The following NHSL1 variants were observed in gnomAD, a reference collection of about 807,000 sequenced individuals.
NHSL1 encodes the protein NHS-like protein 1.
Under a neutral mutation model 95.0 loss-of-function variants are expected in NHSL1, and 48 were observed. That is an observed-to-expected ratio of 0.51 (90% CI 0.40 to 0.64). The LOEUF (loss-of-function observed/expected upper bound fraction) is 0.64, where lower values mean the gene tolerates loss of function less well. Among genes scored for constraint, NHSL1 ranks in the 30% least tolerant of loss-of-function variants. The probability of loss-of-function intolerance (pLI) is 0.00; values close to 1 mark genes in which losing one functional copy is unlikely to be tolerated. For missense variants in NHSL1, 1,971 were observed against 2,077.7 expected, an observed-to-expected ratio of 0.95 and a Z score of 1.00; for synonymous variants, 783 against 833.9, an observed-to-expected ratio of 0.94 and a Z score of 1.05.
At chr6:138,670,115 C>T (rs57759883) in intron 1 of NHSL1, among the ~76,000 whole-genome samples, 4,805 of 151,672 alleles carry the variant, frequency 0.032, 206 homozygotes, top group African/African-American at 0.094. Flanking sequence ...AGTGAGACTC[C>T]ATCTCAAAAA....
intron 3 of NHSL1, among the ~76,000 whole-genome samples, chr6:138,472,729 T>A (rs1287718463): frequency 6.6e-6 from 1 of 152,224 alleles, no homozygotes; most frequent in Non-Finnish European, 1.5e-5. Flanking sequence ...AAGTGGTTTG[T>A]GCATATCACC....
intron 2 of NHSL1, among the ~76,000 whole-genome samples, chr6:138,477,339 C>T (rs1006798583): frequency 6.6e-6 from 1 of 152,194 alleles, no homozygotes; most frequent in Admixed American, 6.5e-5. Context: ...GTGGGTCACA[C>T]CTGTAATCCC....
intron 1 of NHSL1, among the ~76,000 whole-genome samples, chr6:138,561,079 A>C (rs1257319465): frequency 6.6e-6 from 1 of 152,194 alleles, no homozygotes; most frequent in Non-Finnish European, 1.5e-5. Flanking sequence ...TTACTGTACC[A>C]CTAAAATTAT....
chr6:138,678,878 A>G (rs112616526), intron 1 of NHSL1, among the ~76,000 whole-genome samples: 2 of 152,204 alleles, frequency 1.3e-5, no homozygotes, highest in Non-Finnish European at 2.9e-5. Context: ...AAAACTTGCA[A>G]ATTTGCAAAA....
rs1775548805 is a variant in NHSL1 at position 138,430,328 on chromosome 6, C to G, written c.3952+65G>C. On this transcript the variant is annotated intron_variant, in intron 6 of 7. Coordinates refer to ENST00000343505, the MANE Select transcript of NHSL1 (RefSeq NM_001144060.2). This position sits in a 1 kb window ranked among gnomAD's most constrained non-coding sequence, Gnocchi z 4.7. ...TTTCCACGTGTGAGCATTCAACAAC[C>G]CTATCTGGTTCAGCTGCATATGGGC... 2.8e-6 allele frequency: 4 copies of G among 1,426,616 alleles called. No homozygotes were observed. The highest frequency in any genetic ancestry group is 3.0e-5 in the Admixed American group (1 of 33,840). 88.4% of individuals were successfully genotyped at this position (1,426,616 alleles called of 1,614,324 possible). A position where few individuals can be genotyped will look rare whatever the true frequency, so the allele number is the denominator to read the frequency against.
At chr6:138,443,645 G>A (rs948288256) in intron 4 of NHSL1, among the ~76,000 whole-genome samples, 2 of 152,116 alleles carry the variant, frequency 1.3e-5, no homozygotes, top group African/African-American at 2.4e-5. Context: ...TAAGCAACAT[G>A]GTGAAATCCT....
intron 1 of NHSL1, among the ~76,000 whole-genome samples, chr6:138,676,120 C>T (rs1785445418): frequency 6.6e-6 from 1 of 152,038 alleles, no homozygotes; most frequent in South Asian, 2.1e-4. Context: ...AGGAAAATGA[C>T]ATCAAAATAA....
chr6:138,428,633 G>T (rs1281927451), intron 7 of NHSL1, among the ~76,000 whole-genome samples: 1 of 152,222 alleles, frequency 6.6e-6, no homozygotes, highest in Non-Finnish European at 1.5e-5. Context: ...AGATGTTAAT[G>T]TGTTGCATGA....
chr6:138,621,150 T>C (rs1264812724), intron 1 of NHSL1, among the ~76,000 whole-genome samples: 1 of 152,222 alleles, frequency 6.6e-6, no homozygotes, highest in Non-Finnish European at 1.5e-5. Context: ...TTGAGAAACC[T>C]GAAGACGGAA....
At chr6:138,471,549 G>T (rs997506300) in intron 3 of NHSL1, among the ~76,000 whole-genome samples, 1 of 152,140 alleles carries the variant, frequency 6.6e-6, no homozygotes, top group African/African-American at 2.4e-5. Context: ...AATCCAATAT[G>T]TGAAAATACC....
intron 4 of NHSL1, among the ~76,000 whole-genome samples, chr6:138,443,204 A>G (rs887541931): frequency 2.6e-5 from 4 of 152,210 alleles, no homozygotes; most frequent in African/African-American, 7.2e-5. Context: ...GGTAAGAAAA[A>G]ATTGGGAACC....
At chr6:138,462,173 G>A (rs1778041143) in intron 3 of NHSL1, among the ~76,000 whole-genome samples, 1 of 152,202 alleles carries the variant, frequency 6.6e-6, no homozygotes, top group Non-Finnish European at 1.5e-5. Context: ...CTGAGACTAG[G>A]TAGTTTATAA....
chr6:138,511,382 C>A (rs994973329), intron 1 of NHSL1, among the ~76,000 whole-genome samples: 3 of 146,714 alleles, frequency 2.0e-5, no homozygotes, highest in African/African-American at 7.5e-5. Context: ...CAAAAAACCA[C>A]TGAGAGAGAG....
rs909249562 is a variant in NHSL1 at position 138,642,958 on chromosome 6, G to A, written c.96+49518C>T. Reference sequence around the variant, plus strand: ...TAAATATTGGATCTGCTTCATAAACGTCCTCATCAAACACAAGTGGTTATT... The same window carrying A: ...TAAATATTGGATCTGCTTCATAAACATCCTCATCAAACACAAGTGGTTATT... On this transcript the variant is annotated intron_variant, in intron 1 of 3. Coordinates refer to the NHSL1 transcript ENST00000491526. Among the ~76,000 whole-genome samples, 8 of 152,210 alleles carry A rather than the reference G, an allele frequency of 5.3e-5. No individual in the cohort carries two copies. The South Asian group carries it at 6.2e-4, about 12-fold the overall frequency.
chr6:138,649,586 C>T (rs1785062245), intron 1 of NHSL1, among the ~76,000 whole-genome samples: 1 of 152,104 alleles, frequency 6.6e-6, no homozygotes, highest in South Asian at 2.1e-4. Flanking sequence ...GTAACCAGAT[C>T]CTATATGTGA....
rs1775754504 is a variant in NHSL1, at chr6:138,432,384, T to C, written c.1961A>G (p.Tyr654Cys). 1 of 1,552,030 alleles carries C rather than the reference T, an allele frequency of 6.4e-7. No homozygotes were observed. Among genetic ancestry groups the C allele is most frequent in the African/African-American group, 1.4e-5 (1 of 73,024 alleles). The change falls in exon 6 of 8, where the codon TAC (tyrosine) becomes TGC (cysteine). Residue 654 changes from tyrosine (Y) to cysteine (C), a missense_variant. By Grantham distance (194) the Tyr-to-Cys change is radical. Around this residue, in one of 3 missense-constraint regions of NHSL1, gnomAD observed 1,602 missense variants for 1,654.5 expected, o/e 0.97. Coordinates refer to ENST00000343505, the MANE Select transcript of NHSL1 (RefSeq NM_001144060.2). The surrounding 1 kb of genome is among the most constrained non-coding windows in gnomAD (Gnocchi z 4.4). ...GTTTCTTGATAGGGATTTATCCTGG[T>C]AATTGGACCGGTCCCCTTGGTTTTT... The part of the protein sequence containing the change: ...AQKNQGDRSN[Y>C]QDKSLSRNIS...
intron 2 of NHSL1, among the ~76,000 whole-genome samples, chr6:138,486,458 A>ACT (rs1779734469): frequency 2.0e-5 from 3 of 151,306 alleles, no homozygotes; most frequent in Non-Finnish European, 4.4e-5. Context: ...TCTTACAATG[A>ACT]CTCTCTCCCC....
chr6:138,614,725 G>A lies in NHSL1; in HGVS notation c.96+77751C>T, dbSNP rs1784555769. Among the ~76,000 whole-genome samples, 4 of 152,186 alleles carry A rather than the reference G, an allele frequency of 2.6e-5. No individual in the cohort carries two copies. The South Asian group carries it at 8.3e-4, about 32-fold the overall frequency. ...TTAGGAACTGGGCCACACAGCAGGA[G>A]GTGAGTGGCAGGCAAGCAAGCATTA... On this transcript the variant is annotated intron_variant, in intron 1 of 3. Transcript: ENST00000491526.
intron 1 of NHSL1, among the ~76,000 whole-genome samples, chr6:138,523,000 T>G (rs1446154393): frequency 2.0e-5 from 3 of 152,056 alleles, no homozygotes; most frequent in Non-Finnish European, 4.4e-5. Context: ...ATTAATAAAA[T>G]AAAAGGAAGG....
Sources: gnomAD v4.1 joint callset for allele counts (sites outside exome capture counted in the v4.1 genomes callset) on GRCh38, gnomAD v4.1.1 for gene constraint, gnomAD v4.1.1 regional missense constraint, Gnocchi (gnomAD v3.1) non-coding constraint, MANE v1.5 for transcripts, NCBI Gene and HGNC (gene_info 2026-07-23, HGNC 2026-07-21) for gene names.